Variants in SIPA1L2 observed in about 807,000 individuals in gnomAD.
SIPA1L2 encodes signal-induced proliferation-associated 1-like protein 2.
Under a neutral mutation model 163.9 loss-of-function variants are expected in SIPA1L2, and 56 were observed. The observed-to-expected ratio is 0.34, with a 90% CI of 0.28 to 0.43. The LOEUF is 0.43. SIPA1L2 is among the 20% of genes least tolerant of loss of function. SIPA1L2 has a pLI of 1.00. For synonymous variants in SIPA1L2, 877 were observed against 865.7 expected, an observed-to-expected ratio of 1.01 and a Z score of -0.23; for missense variants, 1,974 against 2,193.5, an observed-to-expected ratio of 0.90 and a Z score of 2.00.
In SIPA1L2 at chr1:232,441,860, G is replaced by A; in HGVS notation, c.3446C>T (p.Ser1149Phe). Residue 1149 changes from serine (S) to phenylalanine (F), a missense_variant, in exon 13 of 23, where the codon TCC becomes TTC. By Grantham distance (155) the Ser-to-Phe change is radical. Transcript: ENST00000674635. ...RPQVGYDGCQ[S>F]PLLLEHQGSG... ...GCCCTGGTGTTCGAGCAGTAGAGGGGACTGGCACCTGAAAAGAACACAGAG... is the reference window on the plus strand; with the variant it reads ...GCCCTGGTGTTCGAGCAGTAGAGGGAACTGGCACCTGAAAAGAACACAGAG... 1.2e-6 allele frequency: 2 copies of A among 1,611,936 alleles called. No individual in the cohort carries two copies. The highest frequency in any genetic ancestry group is 1.7e-6 in the Non-Finnish European group (2 of 1,178,976).
At chr1:232,451,233 C>T (rs1558187860) in intron 10 of SIPA1L2, among the ~76,000 whole-genome samples, 1 of 152,102 alleles carries the variant, frequency 6.6e-6, no homozygotes. Context: ...GAAAATTCAA[C>T]CAATGTTTAG....
intron 1 of SIPA1L2, among the ~76,000 whole-genome samples, chr1:232,621,886 C>T (rs183910132): frequency 1.5e-3 from 224 of 152,212 alleles, no homozygotes; most frequent in African/African-American, 5.1e-3. Flanking sequence ...TGCACCACCA[C>T]ACTCGGCTCA....
chr1:232,496,208 T>C (rs1332359047), intron 3 of SIPA1L2, among the ~76,000 whole-genome samples: 1 of 151,778 alleles, frequency 6.6e-6, no homozygotes, highest in Non-Finnish European at 1.5e-5. Flanking sequence ...GTATTTTTAC[T>C]ATACCTTTTC....
chr1:232,433,027 C>T (rs1008184740), intron 15 of SIPA1L2, among the ~76,000 whole-genome samples: 1 of 152,128 alleles, frequency 6.6e-6, no homozygotes, highest in African/African-American at 2.4e-5. Flanking sequence ...GCAGAGCTTA[C>T]GATACAGCAA....
chr1:232,608,883 T>A (rs1662101490), intron 1 of SIPA1L2, among the ~76,000 whole-genome samples: 2 of 151,964 alleles, frequency 1.3e-5, no homozygotes, highest in African/African-American at 4.8e-5. Flanking sequence ...AAATAAATCT[T>A]CCAAAGGGTT....
intron 2 of SIPA1L2, among the ~76,000 whole-genome samples, chr1:232,569,244 G>C (rs1203733996): frequency 6.6e-6 from 1 of 152,098 alleles, no homozygotes; most frequent in Non-Finnish European, 1.5e-5. Flanking sequence ...TCAGATATAA[G>C]CAGCAAAAAA....
At chr1:232,611,729 A>G (rs193171257) in intron 1 of SIPA1L2, among the ~76,000 whole-genome samples, 2 of 152,302 alleles carry the variant, frequency 1.3e-5, no homozygotes, top group African/African-American at 4.8e-5. Flanking sequence ...TTTTATAAGG[A>G]AAGCAGATCA....
At chr1:232,454,006 A>G (rs1663741503) in intron 10 of SIPA1L2, among the ~76,000 whole-genome samples, 1 of 152,206 alleles carries the variant, frequency 6.6e-6, no homozygotes, top group African/African-American at 2.4e-5. Flanking sequence ...CAAATTATCC[A>G]ACAAGGTGAC....
intron 19 of SIPA1L2, among the ~76,000 whole-genome samples, chr1:232,415,099 G>A (rs1157252281): frequency 6.6e-6 from 1 of 152,312 alleles, no homozygotes; most frequent in Non-Finnish European, 1.5e-5. Flanking sequence ...GTGCTTGTCC[G>A]GCGAAGCCCA....
At chr1:232,550,437 C>T (rs1658308905) in intron 2 of SIPA1L2, among the ~76,000 whole-genome samples, 1 of 152,222 alleles carries the variant, frequency 6.6e-6, no homozygotes, top group African/African-American at 2.4e-5. Flanking sequence ...TTGCCAACCA[C>T]AAGAGTCTGT....
rs571804526 is a variant in SIPA1L2, at chr1:232,611,687, G to C, written c.-319+18182C>G. On this transcript the variant is annotated intron_variant, in intron 1 of 22. Coordinates refer to ENST00000674635, the MANE Select transcript of SIPA1L2 (RefSeq NM_020808.5). ...AATTTCTAAGCAGCAAAGCATTCAAGAGGTGACTTAGGTGCTGTTAACGGC... is the reference window on the plus strand; with the variant it reads ...AATTTCTAAGCAGCAAAGCATTCAACAGGTGACTTAGGTGCTGTTAACGGC... Among the ~76,000 whole-genome samples, 137 of 152,308 alleles carry C rather than the reference G, an allele frequency of 9.0e-4. 1 individual carries two copies. Among genetic ancestry groups the C allele is most frequent in the African/African-American group, 3.2e-3 (132 of 41,574 alleles).
At chr1:232,605,977 G>A (rs1281014267) in intron 1 of SIPA1L2, among the ~76,000 whole-genome samples, 2 of 152,006 alleles carry the variant, frequency 1.3e-5, no homozygotes, top group Non-Finnish European at 2.9e-5. Context: ...ATTCATATCA[G>A]TGTCTCAGAC....
intron 3 of SIPA1L2, among the ~76,000 whole-genome samples, chr1:232,503,094 G>A (rs948801493): frequency 2.0e-5 from 3 of 152,068 alleles, no homozygotes; most frequent in African/African-American, 7.2e-5. Context: ...CTTATTCCGG[G>A]CAGAAGATTT....
At chr1:232,572,777 A>ATT (rs1191819395) in intron 2 of SIPA1L2, among the ~76,000 whole-genome samples, 18 of 72,036 alleles carry the variant, frequency 2.5e-4, no homozygotes, top group East Asian at 7.2e-4. Context: ...ATATATATAT[A>ATT]TATTTATTTA....
intron 1 of SIPA1L2, among the ~76,000 whole-genome samples, chr1:232,622,371 G>A (rs1662854807): frequency 6.6e-6 from 1 of 152,190 alleles, no homozygotes; most frequent in African/African-American, 2.4e-5. Flanking sequence ...CAATACTGAT[G>A]GGGTTTTTAA....
At chr1:232,548,868 C>T (rs983474766) in intron 2 of SIPA1L2, among the ~76,000 whole-genome samples, 4 of 152,132 alleles carry the variant, frequency 2.6e-5, no homozygotes, top group Non-Finnish European at 4.4e-5. Context: ...GAGCAGGATC[C>T]GTGCAAGGAC....
intron 19 of SIPA1L2, among the ~76,000 whole-genome samples, chr1:232,414,047 G>T (rs1370281231): frequency 6.6e-6 from 1 of 152,186 alleles, no homozygotes; most frequent in East Asian, 1.9e-4. Context: ...CCAGCCTGGG[G>T]CTTCTAAAAT....
At chr1:232,475,165 G>A (rs1316177551) in intron 7 of SIPA1L2, among the ~76,000 whole-genome samples, 1 of 152,126 alleles carries the variant, frequency 6.6e-6, no homozygotes, top group African/African-American at 2.4e-5. Context: ...TAAAAAGGGG[G>A]CTGACAAAGA....
intron 5 of SIPA1L2, among the ~76,000 whole-genome samples, chr1:232,489,355 G>C (rs1176131506): frequency 6.6e-6 from 1 of 152,050 alleles, no homozygotes; most frequent in Non-Finnish European, 1.5e-5. Context: ...TTCATCAACT[G>C]TTTCATGAAC....
Sources: allele counts gnomAD v4.1 joint callset (sites outside exome capture counted in the v4.1 genomes callset), GRCh38; gene constraint gnomAD v4.1.1; transcripts MANE v1.5; gene names NCBI Gene and HGNC (gene_info 2026-07-23, HGNC 2026-07-21).